The following KIF4B variants were observed in gnomAD, a reference collection of about 807,000 sequenced individuals.
KIF4B encodes the protein chromosome-associated kinesin KIF4B.
Under a neutral mutation model 69.0 loss-of-function variants are expected in KIF4B, and 60 were observed. That is an observed-to-expected ratio of 0.87 (90% CI 0.71 to 1.08). The LOEUF (loss-of-function observed/expected upper bound fraction) is 1.08. Among genes scored for constraint, KIF4B ranks in the 50% least tolerant of loss-of-function variants. KIF4B has a pLI of 0.00. For synonymous variants in KIF4B, 489 were observed against 533.0 expected (o/e 0.92, Z 1.14); for missense variants, 1,357 against 1,451.9 (o/e 0.93, Z 1.06).
In KIF4B at chr5:155,016,172, A is replaced by C; in HGVS notation, c.2313A>C (p.Arg771Ser). Residue 771 changes from arginine (R) to serine (S), a missense_variant, in exon 1 of 1, where the codon AGA becomes AGC. By Grantham distance (110) the Arg-to-Ser change is moderately radical (BLOSUM62 -1). Transcript: ENST00000435029. ...ATCTGAATGACCTCCTTGAAGACAG[A>C]AAGATCCTGGCTCAGGATGTGGTTC... is the stretch of plus-strand genomic sequence containing the variant. ...KRHLNDLLED[R>S]KILAQDVVQL... is the part of the protein sequence containing the mutation. 6.2e-7 allele frequency: 1 copy of C among 1,614,212 alleles called. No homozygotes were observed. The highest frequency in any genetic ancestry group is 8.5e-7 in the Non-Finnish European group (1 of 1,180,036).
Position 155,014,135 on chromosome 5 carries a change from T to G in KIF4B, c.276T>G (p.Ser92=), listed in dbSNP as rs1206438409. 1.2e-6 allele frequency: 2 copies of G among 1,614,144 alleles called. No individual in the cohort carries two copies. Among genetic ancestry groups the G allele is most frequent in the African/African-American group, 2.7e-5 (2 of 74,944 alleles). The change falls in exon 1 of 1, where the codon TCT becomes TCG. Residue 92 remains serine, a synonymous_variant. Transcript: ENST00000435029. ...TCCTGGCCTATGGGCAGACTGGCTC[T>G]GGAAAAACCTATTCAATGGGAGGTG... ...ATVLAYGQTG[S]GKTYSMGGAY...
Position 155,016,943 on chromosome 5 carries a change from T to C in KIF4B, c.3084T>C (p.Ser1028=). Residue 1028 remains serine, a synonymous_variant, in exon 1 of 1, where the codon TCT becomes TCC. Transcript: ENST00000435029. ...ATATCCCACCTAAGCCAAAACCTTC[T>C]CGTGTTAAAGAAAAGTTTCTGGAGC... ...FEYIPPKPKP[S]RVKEKFLEQS... The C allele has an allele frequency of 6.2e-7, 1 of 1,614,150 alleles. No homozygotes were observed. The highest frequency in any genetic ancestry group is 8.5e-7 in the Non-Finnish European group (1 of 1,180,032).
Position 155,014,034 on chromosome 5 carries a change from A to G in KIF4B, c.175A>G (p.Thr59Ala). Residue 59 changes from threonine (T) to alanine (A), a missense_variant, in exon 1 of 1, where the codon ACT becomes GCT. By Grantham distance (58) the Thr-to-Ala change is moderately conservative. Coordinates refer to ENST00000435029, the MANE Select transcript of KIF4B (RefSeq NM_001099293.3). ...CTACGATTTTGTGTTTGACCCCTGT[A>G]CTGAGCAGGAAGAAGTCTTCAATAA... ...FTYDFVFDPCTEQEEVFNKAV... is the reference protein window; with the variant it reads ...FTYDFVFDPCAEQEEVFNKAV... 6.2e-7 allele frequency: 1 copy of G among 1,614,222 alleles called. No individual in the cohort carries two copies. Among genetic ancestry groups the G allele is most frequent in the East Asian group, 2.2e-5 (1 of 44,890 alleles).
Position 155,014,775 on chromosome 5 carries a change from C to T in KIF4B, c.916C>T (p.His306Tyr). The T allele has an allele frequency of 6.2e-7, 1 of 1,614,140 alleles. No homozygotes were observed. Among genetic ancestry groups the T allele is most frequent in the Non-Finnish European group, 8.5e-7 (1 of 1,180,028 alleles). Residue 306 changes from histidine (H) to tyrosine (Y), a missense_variant, in exon 1 of 1, where the codon CAC (histidine) becomes TAC (tyrosine). Transcript: ENST00000435029. ...GCAAGATTCTCTAGGAGGTAACAGC[C>T]ACACTCTTATGATAGCCTGTGTGAG... is the stretch of plus-strand genomic sequence containing the variant. ...LLQDSLGGNS[H>Y]TLMIACVSPA...
Position 155,014,980 on chromosome 5 carries a change from C to T in KIF4B, c.1121C>T (p.Pro374Leu), listed in dbSNP as rs1157613286. 2.5e-6 allele frequency: 4 copies of T among 1,614,088 alleles called. No individual in the cohort carries two copies. The highest frequency in any genetic ancestry group is 3.4e-6 in the Non-Finnish European group (4 of 1,180,044). Residue 374 changes from proline (P) to leucine (L), a missense_variant, in exon 1 of 1, where the codon CCT (proline) becomes CTT (leucine). Pro to Leu is a moderately conservative substitution (Grantham distance 98). Transcript: ENST00000435029. ...LLLQAHGGTL[P>L]GSINAEPSEN... Reference sequence around the variant, plus strand: ...CTACAAGCCCATGGAGGTACCCTGCCTGGATCTATAAATGCAGAACCATCA... The same window carrying T: ...CTACAAGCCCATGGAGGTACCCTGCTTGGATCTATAAATGCAGAACCATCA...
Position 155,016,841 on chromosome 5 carries a change from G to C in KIF4B, c.2982G>C (p.Leu994=), listed in dbSNP as rs780103922. 1 of 1,614,154 alleles carries C rather than the reference G, an allele frequency of 6.2e-7. No homozygotes were observed. Among genetic ancestry groups the C allele is most frequent in the Non-Finnish European group, 8.5e-7 (1 of 1,180,038 alleles). ...AGAATGAAATCATCAAGCAGAAACT[G>C]ATCCTCCTCCAGGTAGCCAGCAGAC... ...LQENEIIKQK[L]ILLQVASRQK... is the part of the protein sequence containing the mutation. Residue 994 remains leucine, a synonymous_variant, in exon 1 of 1, where the codon CTG becomes CTC. Transcript: ENST00000435029.
chr5:155,014,707 G>A lies in KIF4B; in HGVS notation c.848G>A (p.Gly283Asp), dbSNP rs1342365485. 1 of 1,614,090 alleles carries A rather than the reference G, an allele frequency of 6.2e-7. No individual in the cohort carries two copies. Among genetic ancestry groups the A allele is most frequent in the East Asian group, 2.2e-5 (1 of 44,872 alleles). ...VISALGDDKK[G>D]SFVPYRDSKL... is the part of the protein sequence containing the mutation. ...AGTGCTCTTGGAGATGACAAAAAGG[G>A]TAGCTTTGTGCCCTACAGAGATTCC... The change falls in exon 1 of 1, where the codon GGT (glycine) becomes GAT (aspartate). Residue 283 changes from glycine (G) to aspartate (D), a missense_variant. Coordinates refer to ENST00000435029, the MANE Select transcript of KIF4B (RefSeq NM_001099293.3).
In KIF4B at chr5:155,014,485, C is replaced by T. The variant is rs762854775; in HGVS notation, c.626C>T (p.Ser209Leu). 14 of 1,613,966 alleles carry T rather than the reference C, an allele frequency of 8.7e-6. No homozygotes were observed. The highest frequency in any genetic ancestry group is 1.3e-5 in the African/African-American group (1 of 74,912). The stretch of plus-strand genomic sequence containing the variant: ...GCCTCCACAGCTATGAACTCCCAGT[C>T]GTCCCGATCTCATGCCATCTTTACA... Reference protein sequence around the residue: ...TVASTAMNSQSSRSHAIFTIS... With the variant: ...TVASTAMNSQLSRSHAIFTIS... The change falls in exon 1 of 1, where the codon TCG becomes TTG. Residue 209 changes from serine to leucine, a missense_variant. Ser to Leu is a moderately radical substitution (Grantham distance 145). Coordinates refer to ENST00000435029, the MANE Select transcript of KIF4B (RefSeq NM_001099293.3).
At position 155,015,009 on chromosome 5, in the gene KIF4B, A is replaced by T; in HGVS notation, c.1150A>T (p.Asn384Tyr). ...ATCTATAAATGCAGAACCATCAGAG[A>T]ATCTACAATCCCTGATGGAGAAGAA... ...PGSINAEPSE[N>Y]LQSLMEKNQS... Residue 384 changes from asparagine (N) to tyrosine (Y), a missense_variant, in exon 1 of 1, where the codon AAT (asparagine) becomes TAT (tyrosine). Physicochemically the swap from Asn to Tyr is moderately radical, Grantham distance 143. Transcript: ENST00000435029. 1 of 1,614,246 alleles carries T rather than the reference A, an allele frequency of 6.2e-7. No individual in the cohort carries two copies. Among genetic ancestry groups the T allele is most frequent in the South Asian group, 1.1e-5 (1 of 91,088 alleles).
At position 155,017,553 on chromosome 5, in the gene KIF4B, G is replaced by T. The variant is rs367882768; in HGVS notation, c.3694G>T (p.Glu1232Ter). 5 of 1,612,226 alleles carry T rather than the reference G, an allele frequency of 3.1e-6. No homozygotes were observed. The African/African-American group carries it at 6.7e-5, about 22-fold the overall frequency. ...FFSGCSPIEE[E>*]AH ...CTCTGGCTGCTCCCCTATCGAAGAA[G>T]AGGCCCACTGAAGTTGGAGTCATCA... Residue 1232 changes from glutamate to a stop codon, truncating the protein, a stop_gained, in exon 1 of 1, where the codon GAG (glutamate) becomes TAG (stop). Transcript: ENST00000435029. LOFTEE classifies it high-confidence loss of function.
At position 155,014,887 on chromosome 5, in the gene KIF4B, A is replaced by G; in HGVS notation, c.1028A>G (p.Asn343Ser). The change falls in exon 1 of 1, where the codon AAT (asparagine) becomes AGT (serine). Residue 343 changes from asparagine to serine, a missense_variant. Physicochemically the swap from Asn to Ser is conservative, Grantham distance 46 (BLOSUM62 1). Transcript: ENST00000435029. The part of the protein sequence containing the change: ...ARKIKNKPIV[N>S]IDPHTAELNH... ...AAAATCAAGAACAAACCTATTGTTA[A>G]TATTGATCCCCACACAGCTGAACTT... is the stretch of plus-strand genomic sequence containing the variant. The G allele has an allele frequency of 6.2e-7, 1 of 1,614,196 alleles. No homozygotes were observed. Among genetic ancestry groups the G allele is most frequent in the Non-Finnish European group, 8.5e-7 (1 of 1,180,028 alleles).
rs1765301564 is a variant in KIF4B at position 155,015,126 on chromosome 5, A to C, written c.1267A>C (p.Thr423Pro). 5 of 1,614,146 alleles carry C rather than the reference A, an allele frequency of 3.1e-6. No homozygotes were observed. The highest frequency in any genetic ancestry group is 1.7e-6 in the Non-Finnish European group (2 of 1,180,060). ...CCAGATGTTGGAGAGGATCATTTTG[A>C]CAGAGCAAGTGAATGAAAAACTGAA... is the stretch of plus-strand genomic sequence containing the variant. ...TAQMLERIIL[T>P]EQVNEKLNAK... The change falls in exon 1 of 1, where the codon ACA (threonine) becomes CCA (proline). Residue 423 changes from threonine to proline, a missense_variant. Coordinates refer to ENST00000435029, the MANE Select transcript of KIF4B (RefSeq NM_001099293.3).
In KIF4B at chr5:155,016,491, A is replaced by T. The variant is rs777981370; in HGVS notation, c.2632A>T (p.Lys878Ter). The T allele has an allele frequency of 1.2e-6, 2 of 1,614,240 alleles. No individual in the cohort carries two copies. The highest frequency in any genetic ancestry group is 1.7e-6 in the Non-Finnish European group (2 of 1,180,032). Residue 878 changes from lysine to a stop codon, truncating the protein, a stop_gained, in exon 1 of 1, where the codon AAA becomes TAA. Coordinates refer to ENST00000435029, the MANE Select transcript of KIF4B (RefSeq NM_001099293.3). LOFTEE classifies it high-confidence loss of function. ...TTTGATTGGAGAGCTGGTCTCCTCC[A>T]AAATACATGTCACCAAACTTGAAAA... ...KYLIGELVSS[K>*]IHVTKLENSL... is the part of the protein sequence containing the mutation.
rs377049050 is a variant in KIF4B, at chr5:155,014,893, A to T, written c.1034A>T (p.Asp345Val). The change falls in exon 1 of 1, where the codon GAT becomes GTT. Residue 345 changes from aspartate (D) to valine (V), a missense_variant. Coordinates refer to ENST00000435029, the MANE Select transcript of KIF4B (RefSeq NM_001099293.3). The stretch of plus-strand genomic sequence containing the variant: ...AAGAACAAACCTATTGTTAATATTG[A>T]TCCCCACACAGCTGAACTTAATCAT... ...KIKNKPIVNI[D>V]PHTAELNHLK... 1 of 1,614,054 alleles carries T rather than the reference A, an allele frequency of 6.2e-7. No individual in the cohort carries two copies. The highest frequency in any genetic ancestry group is 1.3e-5 in the African/African-American group (1 of 74,916).
chr5:155,014,378 T>C lies in KIF4B; in HGVS notation c.519T>C (p.Ile173=). The part of the protein sequence containing the change: ...IREDPKEGIK[I]VGLTEKTVLV... ...AGGATCCTAAGGAAGGCATAAAGAT[T>C]GTGGGACTCACTGAGAAGACTGTTT... Residue 173 remains isoleucine (I), a synonymous_variant, in exon 1 of 1, where the codon ATT becomes ATC. Coordinates refer to ENST00000435029, the MANE Select transcript of KIF4B (RefSeq NM_001099293.3). The C allele has an allele frequency of 6.2e-7, 1 of 1,614,206 alleles. No individual in the cohort carries two copies. The highest frequency in any genetic ancestry group is 8.5e-7 in the Non-Finnish European group (1 of 1,180,030).
Position 155,016,140 on chromosome 5 carries a change from A to G in KIF4B, c.2281A>G (p.Lys761Glu). The change falls in exon 1 of 1, where the codon AAA (lysine) becomes GAA (glutamate). Residue 761 changes from lysine (K) to glutamate (E), a missense_variant. By Grantham distance (56) the Lys-to-Glu change is moderately conservative (BLOSUM62 1). Coordinates refer to ENST00000435029, the MANE Select transcript of KIF4B (RefSeq NM_001099293.3). ...GGTTATGGTCAGTACTGAGGAAGCC[A>G]AACGCCATCTGAATGACCTCCTTGA... ...IEVMVSTEEA[K>E]RHLNDLLEDR... The G allele has an allele frequency of 6.2e-7, 1 of 1,614,200 alleles. No individual in the cohort carries two copies. The highest frequency in any genetic ancestry group is 8.5e-7 in the Non-Finnish European group (1 of 1,180,036).
In KIF4B at chr5:155,017,279, C is replaced by G. The variant is rs766283619; in HGVS notation, c.3420C>G (p.Gly1140=). ...TTGAACAGACCCAGGATTCCGAAGGCTCCTTCAAACTGGAGGATCCTACCG... is the reference window on the plus strand; with the variant it reads ...TTGAACAGACCCAGGATTCCGAAGGGTCCTTCAAACTGGAGGATCCTACCG... The part of the protein sequence containing the change: ...GTVEQTQDSE[G]SFKLEDPTEV... The change falls in exon 1 of 1, where the codon GGC becomes GGG. Residue 1140 remains glycine (G), a synonymous_variant. Coordinates refer to ENST00000435029, the MANE Select transcript of KIF4B (RefSeq NM_001099293.3). 1 of 1,614,050 alleles carries G rather than the reference C, an allele frequency of 6.2e-7. No homozygotes were observed. Among genetic ancestry groups the G allele is most frequent in the Admixed American group, 1.7e-5 (1 of 60,000 alleles).
rs1765342611 is a variant in KIF4B, at chr5:155,016,969, A to G, written c.3110A>G (p.Gln1037Arg). The change falls in exon 1 of 1, where the codon CAA becomes CGA. Residue 1037 changes from glutamine (Q) to arginine (R), a missense_variant. Physicochemically the swap from Gln to Arg is conservative, Grantham distance 43 (BLOSUM62 1). Transcript: ENST00000435029. ...PSRVKEKFLEQSMDIEDLKYC... is the reference protein window; with the variant it reads ...PSRVKEKFLERSMDIEDLKYC... Reference sequence around the variant, plus strand: ...CGTGTTAAAGAAAAGTTTCTGGAGCAAAGCATGGACATCGAGGATCTAAAA... The same window carrying G: ...CGTGTTAAAGAAAAGTTTCTGGAGCGAAGCATGGACATCGAGGATCTAAAA... 1 of 1,614,134 alleles carries G rather than the reference A, an allele frequency of 6.2e-7. No homozygotes were observed. Among genetic ancestry groups the G allele is most frequent in the Non-Finnish European group, 8.5e-7 (1 of 1,180,054 alleles).
In KIF4B at chr5:155,015,678, G is replaced by A; in HGVS notation, c.1819G>A (p.Gly607Ser). Residue 607 changes from glycine (G) to serine (S), a missense_variant, in exon 1 of 1, where the codon GGT becomes AGT. By Grantham distance (56) the Gly-to-Ser change is moderately conservative. Transcript: ENST00000435029. ...CCACAAACTTCTCCAGGAGCTGGAG[G>A]GTCAAATAGCTGATCTGAAGAAGAA... Reference protein sequence around the residue: ...HRHKLLQELEGQIADLKKKLN... With the variant: ...HRHKLLQELESQIADLKKKLN... 6.2e-7 allele frequency: 1 copy of A among 1,614,162 alleles called. No homozygotes were observed. The highest frequency in any genetic ancestry group is 1.3e-5 in the African/African-American group (1 of 75,028).
Sources: gnomAD v4.1 joint callset for allele counts on GRCh38, gnomAD v4.1.1 for gene constraint, MANE v1.5 for transcripts, NCBI Gene and HGNC (gene_info 2026-07-23, HGNC 2026-07-21) for gene names.